The following PRDM2 variants were observed in gnomAD, a reference collection of about 807,000 sequenced individuals.
PRDM2 encodes the protein PR domain zinc finger protein 2.
A neutral mutation model predicts 130.0 loss-of-function variants in PRDM2; 30 were observed. The observed-to-expected ratio is 0.23, with a 90% CI of 0.17 to 0.31. PRDM2 has a LOEUF of 0.31. Ranked by LOEUF, PRDM2 falls within the 10% of genes least tolerant of loss-of-function variation. The pLI, the probability that PRDM2 is intolerant of heterozygous loss-of-function variation, is 1.00. For missense variants in PRDM2, 2,011 were observed against 2,108.4 expected, an observed-to-expected ratio of 0.95 and a Z score of 0.90; for synonymous variants, 871 against 782.4, an observed-to-expected ratio of 1.11 and a Z score of -1.89.
intron 1 of PRDM2, chr1:13,705,368 T>G (rs1642175743): frequency 6.6e-6 from 1 of 152,170 alleles, no homozygotes; most frequent in South Asian, 2.1e-4. Flanking sequence ...AACATGGCAG[T>G]TATTGTTGAG....
chr1:13,779,321 A>T lies in PRDM2; in HGVS notation c.1526A>T (p.His509Leu). The T allele has an allele frequency of 5.0e-6, 8 of 1,614,212 alleles. No homozygotes were observed. Among genetic ancestry groups the T allele is most frequent in the South Asian group, 1.1e-5 (1 of 91,074 alleles). ...RRHQRRVHER[H>L]LIPKGVRRKG... ...CATCAGCGTAGAGTTCACGAACGTC[A>T]TCTGATTCCCAAAGGTGTACGGCGA... Residue 509 changes from histidine (H) to leucine (L), a missense_variant, in exon 8 of 10, where the codon CAT becomes CTT. Physicochemically the swap from His to Leu is moderately conservative, Grantham distance 99. Coordinates refer to ENST00000311066, the MANE Select transcript of PRDM2 (RefSeq NM_001393986.1). The surrounding 1 kb of genome is among the most constrained non-coding windows in gnomAD (Gnocchi z 4.9).
At chr1:13,822,418 CAG>C (rs1312506731) in intron 9 of PRDM2, among the ~76,000 whole-genome samples, 1 of 129,614 alleles carries the variant, frequency 7.7e-6, no homozygotes, top group Non-Finnish European at 1.6e-5. Context: ...TTTTTTGAGA[CAG>C]AGTCTCGCTC....
At chr1:13,785,601 A>G (rs1644717063) in intron 8 of PRDM2, among the ~76,000 whole-genome samples, 1 of 151,454 alleles carries the variant, frequency 6.6e-6, no homozygotes, top group Non-Finnish European at 1.5e-5. Context: ...CTTAGGAGAA[A>G]ACACAGGAAA....
At chr1:13,785,844 T>G (rs1398194597) in intron 8 of PRDM2, among the ~76,000 whole-genome samples, 2 of 150,188 alleles carry the variant, frequency 1.3e-5, no homozygotes, top group African/African-American at 4.9e-5. Flanking sequence ...CTTTTTTTTT[T>G]TTTTTTTTTA....
rs927732469 is a variant in PRDM2 at position 13,756,431 on chromosome 1, T to C, written c.511+6944T>C. Among the ~76,000 whole-genome samples the C allele has an allele frequency of 2.6e-5, 4 of 152,302 alleles. No homozygotes were observed. In the East Asian group the frequency reaches 7.7e-4, roughly 29 times the overall value. On this transcript the variant is annotated intron_variant, in intron 6 of 9. Coordinates refer to ENST00000311066, the MANE Select transcript of PRDM2 (RefSeq NM_001393986.1). Reference sequence around the variant, plus strand: ...TTGGCATTCAGATGGCTTGTTTATATTTCACATGCTGCCAAGTACAGGCCT... The same window carrying C: ...TTGGCATTCAGATGGCTTGTTTATACTTCACATGCTGCCAAGTACAGGCCT...
intron 8 of PRDM2, among the ~76,000 whole-genome samples, chr1:13,788,809 T>A (rs1203147590): frequency 6.6e-6 from 1 of 152,262 alleles, no homozygotes; most frequent in Non-Finnish European, 1.5e-5. Flanking sequence ...ACCCATCTGC[T>A]GGCCGTTCAT....
chr1:13,721,294 G>A (rs1439840853), intron 2 of PRDM2, among the ~76,000 whole-genome samples: 1 of 151,948 alleles, frequency 6.6e-6, no homozygotes. Context: ...CCCTGGGATG[G>A]CTTTCTATCT....
chr1:13,716,434 AAAACTT>A (rs1419589670), intron 2 of PRDM2, among the ~76,000 whole-genome samples: 1 of 152,164 alleles, frequency 6.6e-6, no homozygotes, highest in Non-Finnish European at 1.5e-5. Flanking sequence ...CATGTACCCT[AAAACTT>A]AAAGTATAAT....
Position 13,784,857 on chromosome 1 carries a change from C to T in PRDM2, c.5036+2026C>T, listed in dbSNP as rs562350185. ...TGTGTGAGGTGCTGGAACTGTGCTGCGGACACATCTGTAGGTCAGGAATGT... is the reference window on the plus strand; with the variant it reads ...TGTGTGAGGTGCTGGAACTGTGCTGTGGACACATCTGTAGGTCAGGAATGT... On this transcript the variant is annotated intron_variant, in intron 8 of 9. Coordinates refer to ENST00000311066, the MANE Select transcript of PRDM2 (RefSeq NM_001393986.1). 3.4e-4 allele frequency among the ~76,000 whole-genome samples: 52 copies of T among 152,276 alleles called. 1 individual carries two copies. The highest frequency in any genetic ancestry group is 2.1e-3 in the South Asian group (10 of 4,828).
intron 2 of PRDM2, among the ~76,000 whole-genome samples, chr1:13,729,338 G>C (rs1178982693): frequency 6.6e-6 from 1 of 152,160 alleles, no homozygotes; most frequent in Non-Finnish European, 1.5e-5. Context: ...TTTGCCTAGG[G>C]TCCCAGCTGA....
chr1:13,782,616 A>G lies in PRDM2; in HGVS notation c.4821A>G (p.Thr1607=), dbSNP rs1644641008. 1.2e-6 allele frequency: 2 copies of G among 1,614,146 alleles called. No individual in the cohort carries two copies. Among genetic ancestry groups the G allele is most frequent in the Non-Finnish European group, 1.7e-6 (2 of 1,180,016 alleles). The change falls in exon 8 of 10, where the codon ACA becomes ACG. Residue 1607 remains threonine (T), a synonymous_variant. Coordinates refer to ENST00000311066, the MANE Select transcript of PRDM2 (RefSeq NM_001393986.1). ...ATTCTGCTCAGCTTTCCAGCAAAACATCACGGAGCCTGCACGTGAGGGTAC... is the reference window on the plus strand; with the variant it reads ...ATTCTGCTCAGCTTTCCAGCAAAACGTCACGGAGCCTGCACGTGAGGGTAC... The part of the protein sequence containing the change: ...KNHSAQLSSK[T]SRSLHVRVQK...
chr1:13,819,855 C>T (rs1466525667), intron 9 of PRDM2, among the ~76,000 whole-genome samples: 6 of 152,160 alleles, frequency 3.9e-5, no homozygotes, highest in Admixed American at 2.0e-4. Flanking sequence ...AGCCCTGCTT[C>T]GTGATCTCAT....
chr1:13,791,561 G>A (rs1255138386), intron 8 of PRDM2, among the ~76,000 whole-genome samples: 7 of 152,126 alleles, frequency 4.6e-5, no homozygotes, highest in South Asian at 2.1e-4. Context: ...GCTGCCTCCC[G>A]ACTTCAGCAA....
intron 5 of PRDM2, among the ~76,000 whole-genome samples, chr1:13,744,391 T>C (rs941672260): frequency 1.3e-5 from 2 of 152,226 alleles, no homozygotes; most frequent in Non-Finnish European, 2.9e-5. Flanking sequence ...TTGTGATGAT[T>C]GCATGGGTGA....
At chr1:13,714,597 C>T (rs1208472900) in intron 1 of PRDM2, among the ~76,000 whole-genome samples, 3 of 152,102 alleles carry the variant, frequency 2.0e-5, no homozygotes, top group Admixed American at 2.0e-4. Context: ...AATGTCAAAA[C>T]AGTGGGTAGG....
intron 4 of PRDM2, among the ~76,000 whole-genome samples, chr1:13,739,241 G>A (rs922484182): frequency 6.6e-6 from 1 of 151,978 alleles, no homozygotes; most frequent in Non-Finnish European, 1.5e-5. Flanking sequence ...TAGAGATGGG[G>A]TTTCACCGTG....
chr1:13,802,904 C>A (rs1645029536), intron 8 of PRDM2, among the ~76,000 whole-genome samples: 1 of 152,222 alleles, frequency 6.6e-6, no homozygotes, highest in Non-Finnish European at 1.5e-5. Flanking sequence ...CAGCCTAGAA[C>A]CAGGTGGCTG....
At chr1:13,787,803 A>G in intron 8 of PRDM2, 1 of 981,172 alleles carries the variant, frequency 1.0e-6, no homozygotes, top group South Asian at 4.7e-5. Flanking sequence ...GCTATAAAAG[A>G]CTATTCTAAT....
At position 13,782,463 on chromosome 1, in the gene PRDM2, C is replaced by G. The variant is rs766475345; in HGVS notation, c.4668C>G (p.Asn1556Lys). 1 of 1,614,036 alleles carries G rather than the reference C, an allele frequency of 6.2e-7. No individual in the cohort carries two copies. Among genetic ancestry groups the G allele is most frequent in the South Asian group, 1.1e-5 (1 of 91,082 alleles). Residue 1556 changes from asparagine (N) to lysine (K), a missense_variant, in exon 8 of 10, where the codon AAC becomes AAG. By Grantham distance (94) the Asn-to-Lys change is moderately conservative (BLOSUM62 0). Coordinates refer to ENST00000311066, the MANE Select transcript of PRDM2 (RefSeq NM_001393986.1). ...CCTCATCCTTCAGGTCCAAGCAGAACGTCAAGTTTGCAGCTTCGGTGAAAT... is the reference window on the plus strand; with the variant it reads ...CCTCATCCTTCAGGTCCAAGCAGAAGGTCAAGTTTGCAGCTTCGGTGAAAT... ...LPSSSFRSKQNVKFAASVKSK... is the reference protein window; with the variant it reads ...LPSSSFRSKQKVKFAASVKSK...
Sources: gnomAD v4.1 joint callset for allele counts (sites outside exome capture counted in the v4.1 genomes callset) on GRCh38, gnomAD v4.1.1 for gene constraint, Gnocchi (gnomAD v3.1) non-coding constraint, MANE v1.5 for transcripts, NCBI Gene and HGNC (gene_info 2026-07-23, HGNC 2026-07-21) for gene names.